The following ZNF286A variants were observed in gnomAD, a reference collection of about 807,000 sequenced individuals.
ZNF286A encodes the protein zinc finger protein 286A.
A neutral mutation model predicts 49.3 loss-of-function variants in ZNF286A; 34 were observed. The observed-to-expected ratio is 0.69, with a 90% confidence interval of 0.52 to 0.92. ZNF286A has a LOEUF of 0.92. Among genes scored for constraint, ZNF286A ranks in the 40% least tolerant of loss-of-function variants. ZNF286A has a pLI of 0.00. For synonymous variants in ZNF286A, 155 were observed against 200.4 expected, an observed-to-expected ratio of 0.77 and a Z score of 1.91; for missense variants, 462 against 600.2, an observed-to-expected ratio of 0.77 and a Z score of 2.41.
At chr17:15,708,117 T>C (rs759513784) in intron 4 of ZNF286A, 38 bp from the exon 5 acceptor site, 2 of 1,472,398 alleles carry the variant, frequency 1.4e-6, no homozygotes, top group East Asian at 2.5e-5. Flanking sequence ...CTCCCATTAC[T>C]TTCTTCTTTC....
At position 15,719,837 on chromosome 17, in the gene ZNF286A, C is replaced by T. The variant is rs1429183690; in HGVS notation, c.*2547C>T. On this transcript the variant is annotated 3_prime_UTR_variant, in exon 6 of 6. Coordinates refer to ENST00000583566, the MANE Select transcript of ZNF286A (RefSeq NM_001130842.2). Reference sequence around the variant, plus strand: ...AGTCAGATAAAGGGTTTAAACCAGTCAGAGAAACTAGGTGGAATGGAAAAG... The same window carrying T: ...AGTCAGATAAAGGGTTTAAACCAGTTAGAGAAACTAGGTGGAATGGAAAAG... The T allele has an allele frequency of 1.3e-5, 2 of 152,042 alleles. No homozygotes were observed. The highest frequency in any genetic ancestry group is 4.8e-5 in the African/African-American group (2 of 41,402). 9.4% of individuals were successfully genotyped at this position (152,042 alleles called of 1,614,324 possible). A position where few individuals can be genotyped will look rare whatever the true frequency, so the allele number is the denominator to read the frequency against.
chr17:15,704,769 C>G, intron 3 of ZNF286A: 2 of 1,614,042 alleles, frequency 1.2e-6, no homozygotes, highest in Middle Eastern at 1.7e-4. Flanking sequence ...CGATGGTGAC[C>G]TGGAGGTCGG....
At chr17:15,712,089 A>C (rs62071725) in intron 5 of ZNF286A, among the ~76,000 whole-genome samples, 2 of 151,934 alleles carry the variant, frequency 1.3e-5, no homozygotes, top group Admixed American at 6.5e-5. Context: ...AGCCGGGATG[A>C]TCTCAGTCTC....
intron 5 of ZNF286A, among the ~76,000 whole-genome samples, chr17:15,712,332 C>T (rs527289102): frequency 2.6e-5 from 4 of 152,220 alleles, no homozygotes; most frequent in African/African-American, 7.2e-5. Context: ...CAACCAGTTA[C>T]CTTCTATCAA....
At chr17:15,712,464 T>A (rs2151475455) in intron 5 of ZNF286A, among the ~76,000 whole-genome samples, 1 of 152,356 alleles carries the variant, frequency 6.6e-6, no homozygotes, top group East Asian at 1.9e-4. Flanking sequence ...TGTTTAAAAC[T>A]GAATGTCTAA....
rs766573096 is a variant in ZNF286A at position 15,716,222 on chromosome 17, A to T, written c.498A>T (p.Gln166His). 15 of 1,613,792 alleles carry T rather than the reference A, an allele frequency of 9.3e-6. No homozygotes were observed. Among genetic ancestry groups the T allele is most frequent in the Non-Finnish European group, 1.3e-5 (15 of 1,179,832 alleles). ...LECENWLENQ[Q>H]GNQERHLREM... is the part of the protein sequence containing the mutation. ...GTGAAAATTGGTTAGAGAATCAGCA[A>T]GGAAATCAGGAGAGACATTTGAGAG... is the stretch of plus-strand genomic sequence containing the variant. The change falls in exon 6 of 6, where the codon CAA (glutamine) becomes CAT (histidine). Residue 166 changes from glutamine (Q) to histidine (H), a missense_variant. By Grantham distance (24) the Gln-to-His change is conservative. Coordinates refer to ENST00000583566, the MANE Select transcript of ZNF286A (RefSeq NM_001130842.2).
At chr17:15,713,470 C>A (rs1219179865) in intron 5 of ZNF286A, among the ~76,000 whole-genome samples, 1 of 152,188 alleles carries the variant, frequency 6.6e-6, no homozygotes, top group Non-Finnish European at 1.5e-5. Context: ...AATCCAGCAT[C>A]ACACAGATAC....
chr17:15,711,188 A>C (rs1407608612), intron 5 of ZNF286A, among the ~76,000 whole-genome samples: 1 of 152,166 alleles, frequency 6.6e-6, no homozygotes, highest in African/African-American at 2.4e-5. Context: ...CTGGGATTAC[A>C]GGCGTGAGCC....
chr17:15,704,075 T>A (rs1201458836), intron 3 of ZNF286A, among the ~76,000 whole-genome samples: 1 of 150,172 alleles, frequency 6.7e-6, no homozygotes, highest in African/African-American at 2.4e-5. Context: ...TATTTTTTTT[T>A]TTTTGCTTTT....
rs1195790453 is a variant in ZNF286A, at chr17:15,719,031, T to C, written c.*1741T>C. On this transcript the variant is annotated 3_prime_UTR_variant, in exon 6 of 6. Transcript: ENST00000583566. ...CAGTGCTAAATCATTCATGAGAAAC[T>C]ACCTGCGTGGTCCAGTCACCTTGCA... 2.5e-4 allele frequency: 29 copies of C among 117,794 alleles called. No individual in the cohort carries two copies. Among genetic ancestry groups the C allele is most frequent in the Non-Finnish European group, 4.0e-4 (23 of 57,872 alleles). 7.3% of individuals were successfully genotyped at this position (117,794 alleles called of 1,614,324 possible). A position where few individuals can be genotyped will look rare whatever the true frequency, so the allele number is the denominator to read the frequency against.
chr17:15,710,306 C>T (rs1246030995), intron 5 of ZNF286A, among the ~76,000 whole-genome samples: 1 of 152,096 alleles, frequency 6.6e-6, no homozygotes, highest in African/African-American at 2.4e-5. Context: ...TTAAATAGTG[C>T]TTTTTGTGAA....
chr17:15,709,495 A>T (rs549496613), intron 5 of ZNF286A, among the ~76,000 whole-genome samples: 1 of 152,236 alleles, frequency 6.6e-6, no homozygotes, highest in South Asian at 2.1e-4. Flanking sequence ...GTGTCTCAAA[A>T]AAAAAACAAA....
chr17:15,710,067 T>A (rs1990539136), intron 5 of ZNF286A: 1 of 586,726 alleles, frequency 1.7e-6, no homozygotes, highest in Non-Finnish European at 3.0e-6. Flanking sequence ...GCTATTCAAG[T>A]TTCTTGTGAG....
intron 3 of ZNF286A, chr17:15,704,724 C>G (rs1990071337): frequency 6.2e-7 from 1 of 1,613,924 alleles, no homozygotes; most frequent in Non-Finnish European, 8.5e-7. Context: ...TCATGCGGAA[C>G]AGACCTCCAG....
At chr17:15,713,172 A>G (rs1197704826) in intron 5 of ZNF286A, among the ~76,000 whole-genome samples, 1 of 152,172 alleles carries the variant, frequency 6.6e-6, no homozygotes, top group East Asian at 1.9e-4. Context: ...GGGTGGGTTG[A>G]TTGAGCCCAG....
At chr17:15,702,201 G>C (rs1303277798) in intron 3 of ZNF286A, among the ~76,000 whole-genome samples, 1 of 151,246 alleles carries the variant, frequency 6.6e-6, no homozygotes, top group Non-Finnish European at 1.5e-5. Context: ...TTCAACTTTT[G>C]TATGTTTGAA....
intron 1 of ZNF286A, 179 bp downstream of exon 1, chr17:15,699,956 C>T (rs1048144159): frequency 2.0e-4 from 123 of 622,230 alleles, no homozygotes; most frequent in Middle Eastern, 1.7e-3. Flanking sequence ...GCGGTTGTGC[C>T]ACGGGCGGGG....
intron 5 of ZNF286A, among the ~76,000 whole-genome samples, chr17:15,710,884 C>T (rs1990594462): frequency 1.3e-5 from 2 of 151,194 alleles, no homozygotes; most frequent in Admixed American, 1.3e-4. Context: ...TTTTGACTTT[C>T]AGTTTTGCTA....
At chr17:15,708,593 T>C (rs976873432) in intron 5 of ZNF286A, among the ~76,000 whole-genome samples, 4 of 152,210 alleles carry the variant, frequency 2.6e-5, no homozygotes, top group African/African-American at 7.2e-5. Context: ...CCAGCGCCTC[T>C]AGAAGCACCG....
Sources: allele counts gnomAD v4.1 joint callset (sites outside exome capture counted in the v4.1 genomes callset), GRCh38; gene constraint gnomAD v4.1.1; transcripts MANE v1.5; gene names NCBI Gene and HGNC (gene_info 2026-07-23, HGNC 2026-07-21).